Variants in FAM83B observed in about 807,000 individuals in gnomAD.
FAM83B encodes scaffolding CK1 anchoring protein B, also known as protein FAM83B.
In FAM83B, 26 loss-of-function variants were observed where a neutral mutation model predicts 38.8. That is an observed-to-expected ratio of 0.67 (90% confidence interval 0.49 to 0.93). The LOEUF (loss-of-function observed/expected upper bound fraction) is 0.93. FAM83B is among the 40% of genes least tolerant of loss of function. The pLI, the probability that FAM83B is intolerant of heterozygous loss-of-function variation, is 0.00. For missense variants in FAM83B, 1,237 were observed against 1,197.3 expected (o/e 1.03, Z -0.49); for synonymous variants, 419 against 423.1 (o/e 0.99, Z 0.12).
chr6:54,869,474 T>G (rs1470202322), intron 1 of FAM83B, among the ~76,000 whole-genome samples: 3 of 151,592 alleles, frequency 2.0e-5, no homozygotes, highest in Non-Finnish European at 4.4e-5. Flanking sequence ...GCATGCCAGG[T>G]TTTTTTTTCT....
At chr6:54,929,191 TTGC>T (rs1177375228) in intron 4 of FAM83B, among the ~76,000 whole-genome samples, 1 of 152,210 alleles carries the variant, frequency 6.6e-6, no homozygotes, top group African/African-American at 2.4e-5. Flanking sequence ...ACCTTTCCTG[TTGC>T]TAACAATATT....
Position 54,942,069 on chromosome 6 carries a change from T to G in FAM83B, c.*62T>G. 2 of 1,478,024 alleles carry G rather than the reference T, an allele frequency of 1.4e-6. No individual in the cohort carries two copies. The highest frequency in any genetic ancestry group is 1.8e-6 in the Non-Finnish European group (2 of 1,097,780). The allele number at this position is 1,478,024 out of a possible 1,614,324, so 91.6% of individuals were successfully genotyped here. A position where few individuals can be genotyped will look rare whatever the true frequency, so the allele number is the denominator to read the frequency against. On this transcript the variant is annotated 3_prime_UTR_variant, in exon 5 of 5. Transcript: ENST00000306858. ...TGTCCAAAGAAAATTGTGGACAGTC[T>G]TTGTAACATGCCAATAGATTTTCCT...
chr6:54,893,231 A>G (rs757473613), intron 2 of FAM83B, among the ~76,000 whole-genome samples: 4 of 152,208 alleles, frequency 2.6e-5, no homozygotes, highest in Non-Finnish European at 4.4e-5. Flanking sequence ...TTTGTTATGC[A>G]GCAATAGATA....
In FAM83B at chr6:54,942,108, T is replaced by C. The variant is rs1773719406; in HGVS notation, c.*101T>C. 7.6e-6 allele frequency: 9 copies of C among 1,182,534 alleles called. No homozygotes were observed. Among genetic ancestry groups the C allele is most frequent in the Middle Eastern group, 2.6e-4 (1 of 3,864 alleles). 73.3% of individuals were successfully genotyped at this position (1,182,534 alleles called of 1,614,324 possible). On this transcript the variant is annotated 3_prime_UTR_variant, in exon 5 of 5. Coordinates refer to ENST00000306858, the MANE Select transcript of FAM83B (RefSeq NM_001010872.3). Reference sequence around the variant, plus strand: ...ATAGATTTTCCTAAGGACAGAATTATGGGTATGATGTATATGTTCACCAGT... The same window carrying C: ...ATAGATTTTCCTAAGGACAGAATTACGGGTATGATGTATATGTTCACCAGT...
intron 4 of FAM83B, among the ~76,000 whole-genome samples, chr6:54,932,006 A>AAT: frequency 1.0e-5 from 1 of 96,182 alleles, no homozygotes; most frequent in African/African-American, 5.8e-5. Context: ...ATTACATAAA[A>AAT]CTTTTTTTTT....
At chr6:54,869,284 G>A (rs1268607228) in intron 1 of FAM83B, among the ~76,000 whole-genome samples, 10 of 152,092 alleles carry the variant, frequency 6.6e-5, no homozygotes, top group Admixed American at 1.3e-4. Flanking sequence ...TCCTCACTGC[G>A]TTTTTGAACA....
chr6:54,865,567 AAGAG>A (rs1369330743), intron 1 of FAM83B, among the ~76,000 whole-genome samples: 1 of 152,216 alleles, frequency 6.6e-6, no homozygotes, highest in Non-Finnish European at 1.5e-5. Context: ...GAAACAGCTT[AAGAG>A]AGAGACTGGA....
intron 2 of FAM83B, among the ~76,000 whole-genome samples, chr6:54,874,357 G>T (rs1241486237): frequency 6.6e-6 from 1 of 152,024 alleles, no homozygotes; most frequent in Admixed American, 6.5e-5. Context: ...TCTTACTTGT[G>T]CCCTAAAGGG....
chr6:54,863,449 G>A (rs575905870), intron 1 of FAM83B, among the ~76,000 whole-genome samples: 2 of 152,232 alleles, frequency 1.3e-5, no homozygotes, highest in South Asian at 4.2e-4. Flanking sequence ...GCACCATGAG[G>A]CTTAAGGCCC....
Position 54,902,608 on chromosome 6 carries a change from T to C in FAM83B, c.445-23763T>C, listed in dbSNP as rs530614593. ...AGTTACCTTGTTTTTGACATTTTTCTACATTTTTCCATATTTTTATGTTTG... is the reference window on the plus strand; with the variant it reads ...AGTTACCTTGTTTTTGACATTTTTCCACATTTTTCCATATTTTTATGTTTG... On this transcript the variant is annotated intron_variant, in intron 2 of 4. Transcript: ENST00000306858. 1.5e-3 allele frequency among the ~76,000 whole-genome samples: 227 copies of C among 152,326 alleles called. 4 individuals carry two copies. Among genetic ancestry groups the C allele is most frequent in the African/African-American group, 5.2e-3 (217 of 41,576 alleles).
Position 54,869,840 on chromosome 6 carries a change from G to C in FAM83B, c.-60-347G>C, listed in dbSNP as rs560694846. 3.3e-5 allele frequency among the ~76,000 whole-genome samples: 5 copies of C among 152,280 alleles called. No individual in the cohort carries two copies. The East Asian group carries it at 9.6e-4, about 29-fold the overall frequency. On this transcript the variant is annotated intron_variant, in intron 1 of 4. Transcript: ENST00000306858. The stretch of plus-strand genomic sequence containing the variant: ...AATTCCTGAAAGACCAGTGTTTTGT[G>C]CTCTTAACATTACATCTAGCATATT...
chr6:54,858,229 G>A (rs1482353961), intron 1 of FAM83B, among the ~76,000 whole-genome samples: 1 of 152,128 alleles, frequency 6.6e-6, no homozygotes, highest in East Asian at 1.9e-4. Context: ...GCATATCTCA[G>A]CAATGATTTT....
At position 54,942,967 on chromosome 6, in the gene FAM83B, A is replaced by G. The variant is rs1024016240; in HGVS notation, c.*960A>G. 1.3e-5 allele frequency among the ~76,000 whole-genome samples: 2 copies of G among 151,624 alleles called. No homozygotes were observed. Among genetic ancestry groups the G allele is most frequent in the African/African-American group, 2.4e-5 (1 of 41,198 alleles). On this transcript the variant is annotated 3_prime_UTR_variant, in exon 5 of 5. Transcript: ENST00000306858. ...ACCCAGGCTAGAGTGCAGTGGCGCA[A>G]TCTTGGCTCACTGCAACCTCTGCCT...
chr6:54,933,833 G>T (rs2127590236), intron 4 of FAM83B, among the ~76,000 whole-genome samples: 1 of 152,256 alleles, frequency 6.6e-6, no homozygotes, highest in African/African-American at 2.4e-5. Context: ...CTCTTGGGCT[G>T]CACTGAAGAC....
intron 2 of FAM83B, among the ~76,000 whole-genome samples, chr6:54,883,135 T>G (rs867338977): frequency 3.0e-4 from 46 of 151,638 alleles, no homozygotes; most frequent in Admixed American, 2.3e-3. Context: ...TAGTAGAGAC[T>G]GGTTTCACCG....
intron 1 of FAM83B, among the ~76,000 whole-genome samples, chr6:54,858,193 C>T (rs1771488530): frequency 6.6e-6 from 1 of 152,156 alleles, no homozygotes; most frequent in African/African-American, 2.4e-5. Context: ...GCTTTGATGA[C>T]ACTTGAGGAA....
At chr6:54,909,647 G>A (rs239823) in intron 2 of FAM83B, among the ~76,000 whole-genome samples, 30,358 of 152,116 alleles carry the variant, frequency 0.2, 3,448 homozygotes, top group African/African-American at 0.31. Flanking sequence ...ATGGGATACA[G>A]CAATGACTTA....
Position 54,917,278 on chromosome 6 carries a change from G to A in FAM83B, c.445-9093G>A, listed in dbSNP as rs560331385. ...GGTGTAACAGAGTAAATACTCTCAG[G>A]CTGTGTGGTTAATTATGGAAAGATC... On this transcript the variant is annotated intron_variant, in intron 2 of 4. Transcript: ENST00000306858. Among the ~76,000 whole-genome samples the A allele has an allele frequency of 2.6e-5, 4 of 152,160 alleles. No individual in the cohort carries two copies. In the South Asian group the frequency reaches 8.3e-4, roughly 32 times the overall value.
intron 1 of FAM83B, among the ~76,000 whole-genome samples, chr6:54,865,283 G>A (rs1234225740): frequency 6.6e-6 from 1 of 152,072 alleles, no homozygotes; most frequent in Non-Finnish European, 1.5e-5. Context: ...GTTCTTGTAG[G>A]CAATTCTTGG....
Sources: allele counts gnomAD v4.1 joint callset (sites outside exome capture counted in the v4.1 genomes callset), GRCh38; gene constraint gnomAD v4.1.1; transcripts MANE v1.5; gene names NCBI Gene and HGNC (gene_info 2026-07-23, HGNC 2026-07-21).